Variants in EXOC4 observed in about 807,000 individuals in gnomAD.
EXOC4 encodes exocyst complex component 4.
In EXOC4, 71 loss-of-function variants were observed where a neutral mutation model predicts 107.2. The ratio of observed to expected loss-of-function variants is 0.66; its 90% CI spans 0.55 to 0.81. EXOC4 has a LOEUF of 0.81. Among genes scored for constraint, EXOC4 ranks in the 30% least tolerant of loss-of-function variants. The pLI is 0.00. For missense variants in EXOC4, 1,108 were observed against 1,189.6 expected, an observed-to-expected ratio of 0.93 and a Z score of 1.01; for synonymous variants, 456 against 441.2, an observed-to-expected ratio of 1.03 and a Z score of -0.42.
the EXOC4 span, among the ~76,000 whole-genome samples, chr7:134,096,048 C>A: frequency 3.9e-5 from 6 of 152,096 alleles, no homozygotes; most frequent in Non-Finnish European, 8.8e-5. Context: ...AAAATATTTG[C>A]AAACTATGCA....
chr7:133,953,772 T>A lies in EXOC4; in HGVS notation c.2206+15703T>A, dbSNP rs1261066738. Among the ~76,000 whole-genome samples the A allele has an allele frequency of 3.3e-5, 5 of 152,236 alleles. No homozygotes were observed. The East Asian group carries it at 9.6e-4, about 29-fold the overall frequency. On this transcript the variant is annotated intron_variant, in intron 14 of 17. Coordinates refer to ENST00000253861, the MANE Select transcript of EXOC4 (RefSeq NM_021807.4). ...TGTCTTGTTCTCTAGATCAGCTGTT[T>A]ACAATGTTGGCTATATGCCCCCCAA... is the stretch of plus-strand genomic sequence containing the variant.
intron 11 of EXOC4, among the ~76,000 whole-genome samples, chr7:133,863,027 AAAT>A (rs753570717): frequency 2.0e-4 from 31 of 152,346 alleles, no homozygotes; most frequent in African/African-American, 4.1e-4. Flanking sequence ...GATAACTATA[AAAT>A]AATAATAAAC....
chr7:133,858,566 A>T (rs991566927), intron 11 of EXOC4, among the ~76,000 whole-genome samples: 17 of 152,026 alleles, frequency 1.1e-4, no homozygotes, highest in Non-Finnish European at 2.2e-4. Flanking sequence ...ATCACCAGGG[A>T]CCTGCCTCTT....
chr7:133,854,938 T>C (rs1367339718), intron 11 of EXOC4, among the ~76,000 whole-genome samples: 1 of 148,550 alleles, frequency 6.7e-6, no homozygotes, highest in Non-Finnish European at 1.5e-5. Flanking sequence ...TGTCTTCATG[T>C]CTTTCTCATT....
chr7:133,791,651 T>C (rs1796706025), intron 10 of EXOC4, among the ~76,000 whole-genome samples: 1 of 152,254 alleles, frequency 6.6e-6, no homozygotes, highest in African/African-American at 2.4e-5. Context: ...GTTCTTGGTG[T>C]GAAAACGACT....
chr7:133,749,960 T>TG lies in EXOC4; in HGVS notation c.1515-67365_1515-67364insG, dbSNP rs1483631907. 3.5e-5 allele frequency among the ~76,000 whole-genome samples: 5 copies of TG among 142,886 alleles called. No individual in the cohort carries two copies. In the East Asian group the frequency reaches 1.0e-3, roughly 29 times the overall value. 93.7% of individuals were successfully genotyped at this position (142,886 alleles called of 152,430 possible). On this transcript the variant is annotated intron_variant, in intron 10 of 17. Coordinates refer to ENST00000253861, the MANE Select transcript of EXOC4 (RefSeq NM_021807.4). ...CTTCCTAAAGGTGGTTGGCAGTTTT[T>TG]TTTTTTTTTTTTTTTTTTTTTTTTT...
intron 6 of EXOC4, among the ~76,000 whole-genome samples, chr7:133,361,680 A>G (rs753574163): frequency 3.3e-5 from 5 of 152,298 alleles, no homozygotes; most frequent in East Asian, 1.9e-4. Context: ...ATCCTTGCCA[A>G]TCTGAGAGGT....
intron 9 of EXOC4, among the ~76,000 whole-genome samples, chr7:133,616,791 C>T (rs569929533): frequency 1.1e-4 from 17 of 152,156 alleles, no homozygotes; most frequent in Non-Finnish European, 2.5e-4. Flanking sequence ...GAATTATCAT[C>T]GATATCAACG....
chr7:133,339,524 T>G (rs182128672), intron 5 of EXOC4, among the ~76,000 whole-genome samples: 89 of 152,290 alleles, frequency 5.8e-4, no homozygotes, highest in Non-Finnish European at 1.1e-3. Context: ...ATTTTAAGAT[T>G]GTTTTTTCTA....
chr7:133,446,077 G>A (rs1361648504), intron 7 of EXOC4, among the ~76,000 whole-genome samples: 1 of 150,490 alleles, frequency 6.6e-6, no homozygotes, highest in African/African-American at 2.4e-5. Context: ...TGTTAAGGAA[G>A]ATCTCTTTTC....
rs150222382 is a variant in EXOC4 at position 133,752,260 on chromosome 7, T to A, written c.1515-65065T>A. ...TTATGTTTCTCAGCACTTAAGAATTTAATTTTACTTGTTTTAAAAGGCGGA... is the reference window on the plus strand; with the variant it reads ...TTATGTTTCTCAGCACTTAAGAATTAAATTTTACTTGTTTTAAAAGGCGGA... On this transcript the variant is annotated intron_variant, in intron 10 of 17. Transcript: ENST00000253861. 1.1e-3 allele frequency among the ~76,000 whole-genome samples: 175 copies of A among 152,306 alleles called. 3 individuals are homozygous for A. The East Asian group carries it at 0.03, about 26-fold the overall frequency.
At chr7:133,909,623 A>G (rs1198735628) in intron 12 of EXOC4, among the ~76,000 whole-genome samples, 2 of 152,202 alleles carry the variant, frequency 1.3e-5, no homozygotes, top group Non-Finnish European at 2.9e-5. Context: ...TGAGAATCAC[A>G]TGGGAGCTTA....
chr7:134,019,415 GTGATGA>G (rs149056095), intron 17 of EXOC4, among the ~76,000 whole-genome samples: 9 of 148,758 alleles, frequency 6.1e-5, no homozygotes, highest in African/African-American at 1.2e-4. Flanking sequence ...CTTTCTCTCA[GTGATGA>G]TGATGATGAT....
intron 9 of EXOC4, among the ~76,000 whole-genome samples, chr7:133,556,277 T>C (rs1800689090): frequency 6.6e-6 from 1 of 152,220 alleles, no homozygotes; most frequent in Admixed American, 6.5e-5. Flanking sequence ...ATGGCTTGTA[T>C]TTCAGTACAA....
At chr7:134,033,090 T>C (rs1160961602) in intron 17 of EXOC4, among the ~76,000 whole-genome samples, 1 of 152,114 alleles carries the variant, frequency 6.6e-6, no homozygotes, top group Non-Finnish European at 1.5e-5. Flanking sequence ...TGGAACATTG[T>C]TAATGGATAA....
At chr7:133,295,157 C>T (rs184785758) in intron 3 of EXOC4, among the ~76,000 whole-genome samples, 7 of 152,126 alleles carry the variant, frequency 4.6e-5, no homozygotes, top group Non-Finnish European at 7.4e-5. Context: ...TTCTTTTGAG[C>T]TAGTAAAAGT....
At chr7:133,260,231 T>A (rs969089651) in intron 1 of EXOC4, among the ~76,000 whole-genome samples, 2 of 152,184 alleles carry the variant, frequency 1.3e-5, no homozygotes, top group Non-Finnish European at 2.9e-5. Context: ...TGATTACTGC[T>A]TTTTAAAGTT....
intron 9 of EXOC4, among the ~76,000 whole-genome samples, chr7:133,531,784 A>T (rs533735030): frequency 6.6e-6 from 1 of 152,230 alleles, no homozygotes; most frequent in African/African-American, 2.4e-5. Context: ...TTTTCAAAAA[A>T]TCTTCCTTTT....
chr7:133,805,206 T>C (rs771705954), intron 10 of EXOC4, among the ~76,000 whole-genome samples: 2 of 152,214 alleles, frequency 1.3e-5, no homozygotes, highest in Non-Finnish European at 2.9e-5. Context: ...GGGAAAACTT[T>C]GTGAGTGACT....
Sources: allele counts gnomAD v4.1 joint callset (sites outside exome capture counted in the v4.1 genomes callset), GRCh38; gene constraint gnomAD v4.1.1; transcripts MANE v1.5; gene names NCBI Gene and HGNC (gene_info 2026-07-23, HGNC 2026-07-21).